Variants in ZCCHC18 observed in about 807,000 individuals in gnomAD.
The protein encoded by ZCCHC18 is zinc finger CCHC domain-containing protein 18.
For synonymous variants in ZCCHC18, 112 were observed against 115.7 expected (o/e 0.97, Z 0.21); for missense variants, 292 against 305.1 (o/e 0.96, Z 0.32).
chrX:104,114,367 T>C lies in ZCCHC18; in HGVS notation c.256T>C (p.Leu86=), dbSNP rs1556360419. The change falls in exon 3 of 3, where the codon TTG becomes CTG. Residue 86 remains leucine (L), a synonymous_variant. Transcript: ENST00000650639. The part of the protein sequence containing the change: ...SMSEEEKLKR[L]MKTLRGPARE... ...GTCTGAGGAGGAAAAACTCAAGCGC[T>C]TGATGAAAACACTTAGGGGCCCTGC... The C allele has an allele frequency of 7.4e-6, 9 of 1,211,642 alleles. No homozygotes were observed. The highest frequency in any genetic ancestry group is 1.0e-5 in the Non-Finnish European group (9 of 895,435).
In ZCCHC18 at chrX:104,115,463, A is replaced by G; in HGVS notation, c.*140A>G. The G allele has an allele frequency of 1.8e-6, 1 of 554,181 alleles. No individual in the cohort carries two copies. The allele number at this position is 554,181 out of a possible 1,213,427, so 45.7% of individuals were successfully genotyped here. A position where few individuals can be genotyped will look rare whatever the true frequency, so the allele number is the denominator to read the frequency against. On this transcript the variant is annotated 3_prime_UTR_variant, in exon 3 of 3. Coordinates refer to ENST00000650639, the MANE Select transcript of ZCCHC18 (RefSeq NM_001143978.3). ...CTTTGGGAAGGAGAAGAGGTCTTGCATACCAGCACAGTGGATGGGGAATGG... is the reference window on the plus strand; with the variant it reads ...CTTTGGGAAGGAGAAGAGGTCTTGCGTACCAGCACAGTGGATGGGGAATGG...
At chrX:104,113,127 C>T (rs2075357946) in intron 1 of ZCCHC18, 68 bp from the exon 2 acceptor site, 1 of 110,930 alleles carries the variant, frequency 9.0e-6, no homozygotes, top group Non-Finnish European at 1.9e-5. Context: ...TGCATCTCCT[C>T]ATCTCTTCCT....
In ZCCHC18 at chrX:104,114,578, T is replaced by C. The variant is rs781967987; in HGVS notation, c.467T>C (p.Leu156Pro). The C allele has an allele frequency of 3.3e-6, 4 of 1,209,869 alleles. No individual in the cohort carries two copies. Among genetic ancestry groups the C allele is most frequent in the Non-Finnish European group, 4.5e-6 (4 of 895,227 alleles). Residue 156 changes from leucine to proline, a missense_variant, in exon 3 of 3, where the codon CTC becomes CCC. By Grantham distance (98) the Leu-to-Pro change is moderately conservative (BLOSUM62 -3). Transcript: ENST00000650639. ...TATGTGATCCGTTTAGAGGTGCAGC[T>C]CCAGAATGCTATTCAGGCAGGCATC... The part of the protein sequence containing the change: ...SLYVIRLEVQ[L>P]QNAIQAGILA...
rs1556360205 is a variant in ZCCHC18, at chrX:104,114,101, C to T, written c.-11C>T. On this transcript the variant is annotated 5_prime_UTR_variant, in exon 3 of 3. Coordinates refer to ENST00000650639, the MANE Select transcript of ZCCHC18 (RefSeq NM_001143978.3). ...ATCTTGTTGTATTCAGATACCCTAT[C>T]GTCGTCAGTCATGGCTAGCATCACT... 2.5e-6 allele frequency: 3 copies of T among 1,211,526 alleles called. No homozygotes were observed. Among genetic ancestry groups the T allele is most frequent in the Non-Finnish European group, 3.4e-6 (3 of 895,405 alleles).
Position 104,113,778 on chromosome X carries a change from A to C in ZCCHC18, c.-334A>C. 1 of 229,914 alleles carries C rather than the reference A, an allele frequency of 4.3e-6. No homozygotes were observed. The allele number at this position is 229,914 out of a possible 1,213,427, so 18.9% of individuals were successfully genotyped here. ...TCGCCCCTCCTGGAGTACAGGCAGG[A>C]GGGGATGGATGTGGCTCTGAAAAAC... On this transcript the variant is annotated 5_prime_UTR_variant, in exon 3 of 3. Coordinates refer to ENST00000650639, the MANE Select transcript of ZCCHC18 (RefSeq NM_001143978.3).
rs1238943373 is a variant in ZCCHC18, at chrX:104,112,870, G to C, written c.-862G>C. ...GGAAGCCCCGCCAGGACTGGGCGGC[G>C]CCCGGCTTGGAGAATCAGTAACTGC... On this transcript the variant is annotated 5_prime_UTR_variant, in exon 1 of 3. Coordinates refer to ENST00000650639, the MANE Select transcript of ZCCHC18 (RefSeq NM_001143978.3). 7 of 112,447 alleles carry C rather than the reference G, an allele frequency of 6.2e-5. No homozygotes were observed. Among genetic ancestry groups the C allele is most frequent in the African/African-American group, 2.3e-4 (7 of 30,887 alleles). 9.3% of individuals were successfully genotyped at this position (112,447 alleles called of 1,213,427 possible).
At position 104,115,357 on chromosome X, in the gene ZCCHC18, G is replaced by A. The variant is rs2075372979; in HGVS notation, c.*34G>A. ...TCCAGCCCTAAATGAGTCCTTGACT[G>A]TATTCAGAGTCTGGTAATGGGAATA... On this transcript the variant is annotated 3_prime_UTR_variant, in exon 3 of 3. Transcript: ENST00000650639. The A allele has an allele frequency of 1.8e-6, 2 of 1,091,334 alleles. No homozygotes were observed. The highest frequency in any genetic ancestry group is 2.4e-6 in the Non-Finnish European group (2 of 824,945). The allele number at this position is 1,091,334 out of a possible 1,213,427, so 89.9% of individuals were successfully genotyped here. A position where few individuals can be genotyped will look rare whatever the true frequency, so the allele number is the denominator to read the frequency against.
chrX:104,113,356 T>A (rs569128462), intron 2 of ZCCHC18, 78 bp from the exon 3 acceptor site: 39 of 110,626 alleles, frequency 3.5e-4, no homozygotes, highest in Middle Eastern at 4.7e-3. Context: ...CTGGCGACAG[T>A]GGAGGCGGTG....
chrX:104,113,034 T>C (rs1556359768), intron 1 of ZCCHC18, 33 bp downstream of exon 1: 1 of 64,390 alleles, frequency 1.6e-5, no homozygotes, highest in Non-Finnish European at 2.8e-5. Flanking sequence ...GTCGGGGGTG[T>C]TGTTGGGTGT....
chrX:104,114,234 A>C lies in ZCCHC18; in HGVS notation c.123A>C (p.Ala41=), dbSNP rs782295749. ...RSLCPLVVKM[A]ERNMKLFSGR... ...TCTGTCCTTTAGTGGTCAAAATGGC[A>C]GAGAGAAACATGAAGTTGTTCTCAG... The change falls in exon 3 of 3, where the codon GCA becomes GCC. Residue 41 remains alanine, a synonymous_variant. Transcript: ENST00000650639. The C allele has an allele frequency of 2.2e-5, 26 of 1,206,913 alleles. No homozygotes were observed. In the East Asian group the frequency reaches 7.4e-4, roughly 34 times the overall value.
Position 104,114,204 on chromosome X carries a change from G to T in ZCCHC18, c.93G>T (p.Arg31Ser). The change falls in exon 3 of 3, where the codon AGG becomes AGT. Residue 31 changes from arginine to serine, a missense_variant. Transcript: ENST00000650639. ...WAHSMLRSLG[R>S]SLCPLVVKMA... The stretch of plus-strand genomic sequence containing the variant: ...ATTCCATGTTGAGGTCTCTGGGGAG[G>T]AGTCTCTGTCCTTTAGTGGTCAAAA... The T allele has an allele frequency of 8.3e-7, 1 of 1,208,442 alleles. No individual in the cohort carries two copies. Among genetic ancestry groups the T allele is most frequent in the Non-Finnish European group, 1.1e-6 (1 of 893,580 alleles).
rs1388086513 is a variant in ZCCHC18, at chrX:104,115,530, T to C, written c.*207T>C. ...GCTCTCTTCTCTGCTGGCTTAAGGG[T>C]CTATTCTCCATGTGTCTATTTCTTT... On this transcript the variant is annotated 3_prime_UTR_variant, in exon 3 of 3. Coordinates refer to ENST00000650639, the MANE Select transcript of ZCCHC18 (RefSeq NM_001143978.3). 2.7e-6 allele frequency: 1 copy of C among 376,693 alleles called. No individual in the cohort carries two copies. The highest frequency in any genetic ancestry group is 4.7e-6 in the Non-Finnish European group (1 of 213,315). 31.0% of individuals were successfully genotyped at this position (376,693 alleles called of 1,213,427 possible).
rs61745266 is a variant in ZCCHC18, at chrX:104,114,848, T to C, written c.737T>C (p.Val246Ala). 8.9e-5 allele frequency: 108 copies of C among 1,207,776 alleles called. No homozygotes were observed. In the African/African-American group the frequency reaches 1.7e-3, roughly 19 times the overall value. The change falls in exon 3 of 3, where the codon GTG (valine) becomes GCG (alanine). Residue 246 changes from valine (V) to alanine (A), a missense_variant. Physicochemically the swap from Val to Ala is moderately conservative, Grantham distance 64. Coordinates refer to ENST00000650639, the MANE Select transcript of ZCCHC18 (RefSeq NM_001143978.3). ...EPIMERAASP[V>A]AFQGAQPIAI... ...ATAATGGAGAGGGCAGCCAGCCCTG[T>C]GGCATTTCAGGGCGCCCAGCCAATA...
intron 1 of ZCCHC18, 82 bp downstream of exon 1, chrX:104,113,083 G>C (rs2075357668): frequency 1.8e-5 from 2 of 109,935 alleles, no homozygotes; most frequent in South Asian, 8.0e-4. Context: ...CAAGGGGCGG[G>C]AGGAGACGAT....
chrX:104,115,233 T>C lies in ZCCHC18; in HGVS notation c.1122T>C (p.Asn374=). The C allele has an allele frequency of 8.3e-7, 1 of 1,205,335 alleles. No homozygotes were observed. Among genetic ancestry groups the C allele is most frequent in the African/African-American group, 1.7e-5 (1 of 57,637 alleles). Reference sequence around the variant, plus strand: ...GCAACAAGGCCCAGGTTTTTGAGAATCTGATCATCACCCTGCAGGAGCTGA... The same window carrying C: ...GCAACAAGGCCCAGGTTTTTGAGAACCTGATCATCACCCTGCAGGAGCTGA... The part of the protein sequence containing the change: ...NESNKAQVFE[N]LIITLQELTH... The change falls in exon 3 of 3, where the codon AAT becomes AAC. Residue 374 remains asparagine (N), a synonymous_variant. Transcript: ENST00000650639.
Position 104,112,641 on chromosome X carries a change from C to T in ZCCHC18, c.-1091C>T, listed in dbSNP as rs1402185640. 4 of 113,717 alleles carry T rather than the reference C, an allele frequency of 3.5e-5. No homozygotes were observed. The highest frequency in any genetic ancestry group is 6.4e-5 in the African/African-American group (2 of 31,347). 9.4% of individuals were successfully genotyped at this position (113,717 alleles called of 1,213,427 possible). A position where few individuals can be genotyped will look rare whatever the true frequency, so the allele number is the denominator to read the frequency against. ...CCGTGCTGCCTCGACTCGGCTACCC[C>T]TCGCTGGGCGGTCGTGCGCACTCGC... On this transcript the variant is annotated 5_prime_UTR_variant, in exon 1 of 3. Coordinates refer to ENST00000650639, the MANE Select transcript of ZCCHC18 (RefSeq NM_001143978.3).
Position 104,115,002 on chromosome X carries a change from C to T in ZCCHC18, c.891C>T (p.Phe297=), listed in dbSNP as rs782503866. Residue 297 remains phenylalanine (F), a synonymous_variant, in exon 3 of 3, where the codon TTC becomes TTT. Transcript: ENST00000650639. ...PSLTPTGAPP[F]RGRARPLDQV... ...TGACACCTACAGGTGCCCCTCCCTT[C>T]AGAGGAAGAGCCAGACCTCTGGATC... 223 of 1,191,636 alleles carry T rather than the reference C, an allele frequency of 1.9e-4. No homozygotes were observed. Among genetic ancestry groups the T allele is most frequent in the Non-Finnish European group, 2.4e-4 (215 of 885,696 alleles).
chrX:104,114,166 C>T lies in ZCCHC18; in HGVS notation c.55C>T (p.Pro19Ser), dbSNP rs782070227. ...CAGCAGGCAGCAGAATGCACCTTTGCCGCCTTGGGCCCATTCCATGTTGAG... is the reference window on the plus strand; with the variant it reads ...CAGCAGGCAGCAGAATGCACCTTTGTCGCCTTGGGCCCATTCCATGTTGAG... Reference protein sequence around the residue: ...GNSRQQNAPLPPWAHSMLRSL... With the variant: ...GNSRQQNAPLSPWAHSMLRSL... The change falls in exon 3 of 3, where the codon CCG becomes TCG. Residue 19 changes from proline (P) to serine (S), a missense_variant. By Grantham distance (74) the Pro-to-Ser change is moderately conservative. Coordinates refer to ENST00000650639, the MANE Select transcript of ZCCHC18 (RefSeq NM_001143978.3). 12 of 1,207,963 alleles carry T rather than the reference C, an allele frequency of 9.9e-6. No individual in the cohort carries two copies. The highest frequency in any genetic ancestry group is 2.2e-5 in the Admixed American group (1 of 45,541).
rs782695183 is a variant in ZCCHC18 at position 104,114,966 on chromosome X, G to C, written c.855G>C (p.Leu285=). The part of the protein sequence containing the change: ...SDEDVILVVS[L]YPSLTPTGAP... ...AGGATGTGATCCTGGTGGTGTCTCT[G>C]TACCCTTCACTGACACCTACAGGTG... is the stretch of plus-strand genomic sequence containing the variant. The change falls in exon 3 of 3, where the codon CTG becomes CTC. Residue 285 remains leucine (L), a synonymous_variant. Transcript: ENST00000650639. 2.5e-6 allele frequency: 3 copies of C among 1,195,225 alleles called. No individual in the cohort carries two copies. The highest frequency in any genetic ancestry group is 3.4e-6 in the Non-Finnish European group (3 of 886,858).
Sources: gnomAD v4.1 joint callset for allele counts on GRCh38, gnomAD v4.1.1 for gene constraint, MANE v1.5 for transcripts, NCBI Gene and HGNC (gene_info 2026-07-23, HGNC 2026-07-21) for gene names.